Variants in SLC10A7 observed in about 807,000 individuals in gnomAD.
The protein encoded by SLC10A7 is sodium/bile acid cotransporter 7.
In SLC10A7, 29 loss-of-function variants were observed where a neutral mutation model predicts 43.2. The ratio of observed to expected loss-of-function variants is 0.67; its 90% CI spans 0.50 to 0.92. SLC10A7 has a LOEUF of 0.92. Ranked by LOEUF, SLC10A7 falls within the 40% of genes least tolerant of loss-of-function variation. SLC10A7 has a pLI of 0.00. For missense variants in SLC10A7, 295 were observed against 403.2 expected, an observed-to-expected ratio of 0.73 and a Z score of 2.30; for synonymous variants, 152 against 144.8, an observed-to-expected ratio of 1.05 and a Z score of -0.35.
intron 4 of SLC10A7, among the ~76,000 whole-genome samples, chr4:146,470,641 A>G (rs1197767087): frequency 6.6e-6 from 1 of 152,178 alleles, no homozygotes; most frequent in Non-Finnish European, 1.5e-5. Flanking sequence ...AGTTTTTCCT[A>G]GAGTATTAAA....
At chr4:146,410,278 G>A (rs1388272942) in intron 5 of SLC10A7, among the ~76,000 whole-genome samples, 2 of 152,064 alleles carry the variant, frequency 1.3e-5, no homozygotes, top group South Asian at 2.1e-4. Context: ...GCCAATTAAA[G>A]ACAATATATC....
intron 5 of SLC10A7, among the ~76,000 whole-genome samples, chr4:146,423,502 A>C (rs1261045187): frequency 6.6e-6 from 1 of 152,324 alleles, no homozygotes; most frequent in East Asian, 1.9e-4. Flanking sequence ...TCCTAATTAT[A>C]TGATAGGATT....
chr4:146,521,589 G>A (rs371671669), intron 1 of SLC10A7, 29 bp downstream of exon 1: 2 of 1,578,462 alleles, frequency 1.3e-6, no homozygotes, highest in East Asian at 2.2e-5. Context: ...TGGGAGCCGC[G>A]GTGGAGCCGG....
At chr4:146,443,918 G>A (rs1318021278) in intron 4 of SLC10A7, among the ~76,000 whole-genome samples, 8 of 152,098 alleles carry the variant, frequency 5.3e-5, no homozygotes, top group Admixed American at 3.9e-4. Context: ...AGATGGCACC[G>A]GACCACAGCT....
chr4:146,427,429 A>AT (rs940635567), intron 5 of SLC10A7, among the ~76,000 whole-genome samples: 13 of 151,972 alleles, frequency 8.6e-5, no homozygotes, highest in African/African-American at 1.9e-4. Context: ...TTTTTATTCA[A>AT]TTTTTTTTAA....
chr4:146,258,721 T>C lies in SLC10A7; in HGVS notation c.964A>G (p.Ile322Val). 2 of 1,603,978 alleles carry C rather than the reference T, an allele frequency of 1.2e-6. No individual in the cohort carries two copies. Among genetic ancestry groups the C allele is most frequent in the South Asian group, 1.1e-5 (1 of 88,518 alleles). ...ILLGSVLVPT[I>V]KSWMVSRQKG... is the part of the protein sequence containing the mutation. ...TGCCTTGATACCATCCAAGACTTGA[T>C]TGTTGGCACCAACACACTTCCCAGA... The change falls in exon 11 of 12, where the codon ATC (isoleucine) becomes GTC (valine). Residue 322 changes from isoleucine to valine, a missense_variant. Ile to Val is a conservative substitution (Grantham distance 29, BLOSUM62 3). Transcript: ENST00000335472.
chr4:146,321,448 T>C (rs1216626103), intron 6 of SLC10A7, among the ~76,000 whole-genome samples: 1 of 152,098 alleles, frequency 6.6e-6, no homozygotes, highest in African/African-American at 2.4e-5. Flanking sequence ...TATGTCCTCA[T>C]CTTAACTAAT....
intron 9 of SLC10A7, among the ~76,000 whole-genome samples, chr4:146,289,979 G>T (rs1413747444): frequency 2.7e-5 from 4 of 148,720 alleles, no homozygotes; most frequent in South Asian, 2.1e-4. Context: ...CTCCCAAAGT[G>T]CTGGGATTAC....
intron 5 of SLC10A7, among the ~76,000 whole-genome samples, chr4:146,337,872 G>A (rs112970442): frequency 4.0e-5 from 6 of 151,880 alleles, no homozygotes; most frequent in African/African-American, 1.4e-4. Flanking sequence ...GAAACAGATT[G>A]TAGAAAATTA....
intron 5 of SLC10A7, among the ~76,000 whole-genome samples, chr4:146,399,248 G>T (rs767961514): frequency 2.0e-5 from 3 of 152,114 alleles, no homozygotes; most frequent in Non-Finnish European, 2.9e-5. Flanking sequence ...CTGCTGTGGT[G>T]AGCTGACTGT....
chr4:146,492,395 T>A (rs1424899751), intron 4 of SLC10A7, among the ~76,000 whole-genome samples: 1 of 151,900 alleles, frequency 6.6e-6, no homozygotes, highest in Non-Finnish European at 1.5e-5. Context: ...TAAGATAGGG[T>A]CTCACTCTTT....
chr4:146,261,394 T>C (rs1728211445), intron 10 of SLC10A7, among the ~76,000 whole-genome samples: 1 of 151,802 alleles, frequency 6.6e-6, no homozygotes, highest in African/African-American at 2.4e-5. Context: ...GCTTCTAGGT[T>C]CTGAAAATTC....
intron 4 of SLC10A7, among the ~76,000 whole-genome samples, chr4:146,475,115 T>C (rs1733913337): frequency 6.6e-6 from 1 of 152,174 alleles, no homozygotes; most frequent in Non-Finnish European, 1.5e-5. Context: ...GTATGAGATA[T>C]CGAAATTACA....
intron 4 of SLC10A7, among the ~76,000 whole-genome samples, chr4:146,443,891 C>T (rs1730813158): frequency 6.6e-6 from 1 of 152,148 alleles, no homozygotes; most frequent in Non-Finnish European, 1.5e-5. Flanking sequence ...TTCTCCTTTG[C>T]TGGCCCTATC....
At chr4:146,384,667 G>A (rs1158008541) in intron 5 of SLC10A7, among the ~76,000 whole-genome samples, 1 of 152,006 alleles carries the variant, frequency 6.6e-6, no homozygotes, top group African/African-American at 2.4e-5. Flanking sequence ...GACTTTTATA[G>A]AAATATAAAA....
chr4:146,498,303 A>C (rs1031563345), intron 4 of SLC10A7, among the ~76,000 whole-genome samples: 55 of 152,208 alleles, frequency 3.6e-4, no homozygotes, highest in African/African-American at 1.3e-3. Flanking sequence ...TTTTTAGTAG[A>C]GACGAGGTTT....
In SLC10A7 at chr4:146,372,971, A is replaced by G. The variant is rs138043827; in HGVS notation, c.436-46975T>C. Among the ~76,000 whole-genome samples, 400 of 152,334 alleles carry G rather than the reference A, an allele frequency of 2.6e-3. 1 individual carries two copies. Among genetic ancestry groups the G allele is most frequent in the African/African-American group, 6.5e-3 (271 of 41,588 alleles). ...TTTGCTAGAATCCATTTGTTCTTCA[A>G]TAGGTCTGTCTTGAAGAATATCAAT... On this transcript the variant is annotated intron_variant, in intron 5 of 11. Coordinates refer to ENST00000335472, the MANE Select transcript of SLC10A7 (RefSeq NM_001029998.6).
intron 10 of SLC10A7, among the ~76,000 whole-genome samples, chr4:146,278,946 G>C (rs1261529167): frequency 2.0e-5 from 3 of 152,130 alleles, no homozygotes; most frequent in Admixed American, 2.0e-4. Flanking sequence ...CTGTGTAACT[G>C]CAACTAGACC....
chr4:146,347,953 A>T (rs1252880591), intron 5 of SLC10A7, among the ~76,000 whole-genome samples: 1 of 152,204 alleles, frequency 6.6e-6, no homozygotes, highest in Non-Finnish European at 1.5e-5. Context: ...ATAAATTTTA[A>T]AAAAGCACTT....
Sources: allele counts gnomAD v4.1 joint callset (sites outside exome capture counted in the v4.1 genomes callset), GRCh38; gene constraint gnomAD v4.1.1; transcripts MANE v1.5; gene names NCBI Gene and HGNC (gene_info 2026-07-23, HGNC 2026-07-21).